The following CSMD1 variants were observed in gnomAD, a reference collection of about 807,000 sequenced individuals.
CSMD1 encodes CUB and sushi domain-containing protein 1.
CSMD1 carries 213 observed loss-of-function variants against 417.5 expected under a neutral mutation model. The ratio of observed to expected loss-of-function variants is 0.51; its 90% CI spans 0.46 to 0.57. CSMD1 has a LOEUF of 0.57. Ranked by LOEUF, CSMD1 falls within the 20% of genes least tolerant of loss-of-function variation. The pLI, the probability that CSMD1 is intolerant of heterozygous loss-of-function variation, is 0.00. For missense variants in CSMD1, 6,923 were observed against 4,529.7 expected (o/e 1.53, Z -15.17); for synonymous variants, 2,862 against 1,736.8 (o/e 1.65, Z -16.11).
intron 5 of CSMD1, among the ~76,000 whole-genome samples, chr8:3,936,012 A>T (rs1810467031): frequency 6.6e-6 from 1 of 152,196 alleles, no homozygotes; most frequent in South Asian, 2.1e-4. Flanking sequence ...ATGATAAGAA[A>T]GGAAAACAGC....
At chr8:4,461,867 A>T (rs1285242453) in intron 2 of CSMD1, among the ~76,000 whole-genome samples, 1 of 150,668 alleles carries the variant, frequency 6.6e-6, no homozygotes, top group African/African-American at 2.4e-5. Flanking sequence ...CAGCCTCCCG[A>T]GTAGCTCGGA....
chr8:3,748,588 A>T (rs1297169455), intron 6 of CSMD1, among the ~76,000 whole-genome samples: 6 of 152,246 alleles, frequency 3.9e-5, no homozygotes, highest in Non-Finnish European at 8.8e-5. Flanking sequence ...AGAGGCAACC[A>T]TGCATGCCAC....
At chr8:4,858,990 G>A (rs1413802703) in intron 1 of CSMD1, among the ~76,000 whole-genome samples, 5 of 150,720 alleles carry the variant, frequency 3.3e-5, no homozygotes, top group Non-Finnish European at 5.9e-5. Context: ...AAAGCTGGAG[G>A]CATCACGCTA....
At chr8:2,966,469 TA>T in intron 58 of CSMD1, 100 bp downstream of exon 58, 1 of 1,047,422 alleles carries the variant, frequency 9.5e-7, no homozygotes, top group Non-Finnish European at 1.4e-6. Flanking sequence ...CTCTATGAAT[TA>T]AAAATAAAAA....
At chr8:3,509,247 G>C (rs1461714765) in intron 10 of CSMD1, among the ~76,000 whole-genome samples, 1 of 152,300 alleles carries the variant, frequency 6.6e-6, no homozygotes, top group Non-Finnish European at 1.5e-5. Context: ...TACAAACACA[G>C]AGATGAAAGG....
chr8:3,321,192 T>A (rs1170225815), intron 23 of CSMD1, among the ~76,000 whole-genome samples: 1 of 152,126 alleles, frequency 6.6e-6, no homozygotes, highest in East Asian at 1.9e-4. Context: ...GTGCTTAGTC[T>A]AAGCCTTCCT....
Position 4,215,511 on chromosome 8 carries a change from T to A in CSMD1, c.416-183412A>T, listed in dbSNP as rs1459796109. Among the ~76,000 whole-genome samples, 4 of 151,366 alleles carry A rather than the reference T, an allele frequency of 2.6e-5. No homozygotes were observed. The East Asian group carries it at 5.8e-4, about 22-fold the overall frequency. On this transcript the variant is annotated intron_variant, in intron 3 of 69. Coordinates refer to ENST00000635120, the MANE Select transcript of CSMD1 (RefSeq NM_033225.6). ...GGTTTTATGAATACATAGAGAGTTT[T>A]TTTTTTTTCTTCCAGAGACCAGGAT...
chr8:3,919,997 T>C (rs1452228041), intron 5 of CSMD1, among the ~76,000 whole-genome samples: 1 of 152,010 alleles, frequency 6.6e-6, no homozygotes, highest in Non-Finnish European at 1.5e-5. Context: ...ACCAAATTTT[T>C]TTTTACTTTA....
intron 1 of CSMD1, among the ~76,000 whole-genome samples, chr8:4,840,119 A>C (rs985648224): frequency 3.4e-4 from 4 of 11,786 alleles, no homozygotes; most frequent in Non-Finnish European, 1.5e-3. Flanking sequence ...GACTCCACGG[A>C]GGCACTTGCC....
chr8:3,137,100 G>T (rs1039616490), intron 41 of CSMD1, among the ~76,000 whole-genome samples: 1 of 152,042 alleles, frequency 6.6e-6, no homozygotes, highest in Non-Finnish European at 1.5e-5. Context: ...ATTTCTTTGT[G>T]GGGGGAATGT....
chr8:3,542,027 A>C (rs1179268823), intron 10 of CSMD1, among the ~76,000 whole-genome samples: 3 of 152,088 alleles, frequency 2.0e-5, no homozygotes, highest in African/African-American at 7.2e-5. Flanking sequence ...AAAGGAAAAA[A>C]TATTTGTTGT....
chr8:4,418,902 C>G (rs1242875507), intron 3 of CSMD1, among the ~76,000 whole-genome samples: 1 of 152,134 alleles, frequency 6.6e-6, no homozygotes, highest in Admixed American at 6.6e-5. Flanking sequence ...AGACCATTCT[C>G]AGCATTATTC....
intron 61 of CSMD1, among the ~76,000 whole-genome samples, chr8:2,962,215 C>T (rs1429482791): frequency 6.6e-6 from 1 of 152,184 alleles, no homozygotes; most frequent in Non-Finnish European, 1.5e-5. Flanking sequence ...GAGAGAGCCA[C>T]TGAGGTCAGA....
chr8:4,717,544 G>A (rs1171696583), intron 1 of CSMD1, among the ~76,000 whole-genome samples: 43 of 133,660 alleles, frequency 3.2e-4, no homozygotes, highest in African/African-American at 8.8e-4. Context: ...CTGTCTGTCT[G>A]TCTACCTATC....
At chr8:4,322,369 T>G (rs960674271) in intron 3 of CSMD1, among the ~76,000 whole-genome samples, 3 of 152,204 alleles carry the variant, frequency 2.0e-5, no homozygotes, top group Admixed American at 6.5e-5. Flanking sequence ...AAAGTGGAAT[T>G]AGAATTCCCC....
chr8:3,688,892 C>G (rs542600985), intron 7 of CSMD1, among the ~76,000 whole-genome samples: 1 of 151,964 alleles, frequency 6.6e-6, no homozygotes, highest in Non-Finnish European at 1.5e-5. Flanking sequence ...ACTTAGATCT[C>G]AGACAAAGGA....
intron 5 of CSMD1, among the ~76,000 whole-genome samples, chr8:3,846,922 G>C (rs542466795): frequency 1.3e-5 from 2 of 152,118 alleles, no homozygotes; most frequent in Non-Finnish European, 2.9e-5. Flanking sequence ...TGATCCACCC[G>C]CCCTGGCCTC....
chr8:3,578,032 T>A (rs1390235015), intron 9 of CSMD1, among the ~76,000 whole-genome samples: 2 of 152,152 alleles, frequency 1.3e-5, no homozygotes, highest in East Asian at 1.9e-4. Context: ...GCAGCTCACC[T>A]TATTACCTGG....
intron 12 of CSMD1, among the ~76,000 whole-genome samples, chr8:3,447,848 G>T (rs189435349): frequency 1.3e-5 from 2 of 152,220 alleles, no homozygotes; most frequent in Non-Finnish European, 1.5e-5. Flanking sequence ...GGAGGCCATC[G>T]GAGGTGTCTT....
Sources: gnomAD v4.1 joint callset for allele counts (sites outside exome capture counted in the v4.1 genomes callset) on GRCh38, gnomAD v4.1.1 for gene constraint, MANE v1.5 for transcripts, NCBI Gene and HGNC (gene_info 2026-07-23, HGNC 2026-07-21) for gene names.